Variants in MTHFD1L observed in about 807,000 individuals in gnomAD.
The protein encoded by MTHFD1L is methylenetetrahydrofolate dehydrogenase (NADP+ dependent) 1 like.
MTHFD1L carries 81 observed loss-of-function variants against 119.5 expected under a neutral mutation model. The observed-to-expected ratio is 0.68, with a 90% CI of 0.57 to 0.82. The LOEUF is 0.82. Ranked by LOEUF, MTHFD1L falls within the 40% of genes least tolerant of loss-of-function variation. The pLI, the probability that MTHFD1L is intolerant of heterozygous loss-of-function variation, is 0.00. For synonymous variants in MTHFD1L, 430 were observed against 475.2 expected (o/e 0.90, Z 1.24); for missense variants, 1,125 against 1,253.4 (o/e 0.90, Z 1.55).
intron 19 of MTHFD1L, among the ~76,000 whole-genome samples, chr6:150,969,417 A>G (rs1340695824): frequency 4.0e-5 from 6 of 151,792 alleles, no homozygotes; most frequent in Non-Finnish European, 8.8e-5. Flanking sequence ...AATAGCTTGA[A>G]CCGGGGAGGT....
intron 20 of MTHFD1L, among the ~76,000 whole-genome samples, chr6:150,990,979 C>T (rs1372747075): frequency 1.3e-5 from 2 of 152,118 alleles, no homozygotes; most frequent in Admixed American, 6.5e-5. Flanking sequence ...CCTCAGCCTC[C>T]CTGAGTAGCT....
chr6:151,054,072 C>T (rs913818415), intron 26 of MTHFD1L, among the ~76,000 whole-genome samples: 3 of 151,960 alleles, frequency 2.0e-5, no homozygotes, highest in Admixed American at 1.3e-4. Context: ...GGAAACATTT[C>T]GGCAGGGAGA....
chr6:151,009,914 G>C lies in MTHFD1L; in HGVS notation c.2221G>C (p.Val741Leu). ...SGLVPNVVVLVATVRALKMHG... is the reference protein window; with the variant it reads ...SGLVPNVVVLLATVRALKMHG... ...CTTGGTGCCCAACGTGGTTGTGTTA[G>C]TGGCAACGGTGCGAGCTCTGAAGAT... The change falls in exon 21 of 28, where the codon GTG becomes CTG. Residue 741 changes from valine to leucine, a missense_variant. Physicochemically the swap from Val to Leu is conservative, Grantham distance 32. Coordinates refer to ENST00000367321, the MANE Select transcript of MTHFD1L (RefSeq NM_015440.5). The C allele has an allele frequency of 1.2e-6, 2 of 1,613,674 alleles. No individual in the cohort carries two copies. Among genetic ancestry groups the C allele is most frequent in the South Asian group, 2.2e-5 (2 of 90,970 alleles).
At position 150,867,445 on chromosome 6, in the gene MTHFD1L, CA is replaced by C. The variant is rs761469365; in HGVS notation, c.227+1400del. Reference sequence around the variant, plus strand: ...GGGCGCAAGCCATCATCCCTGCCCCCAAAAGCGCTGGGATTAATTACACGTC... The same window carrying C: ...GGGCGCAAGCCATCATCCCTGCCCCCAAAGCGCTGGGATTAATTACACGTC... On this transcript the variant is annotated intron_variant, in intron 1 of 27. Transcript: ENST00000367321. Among the ~76,000 whole-genome samples the C allele has an allele frequency of 9.7e-4, 147 of 152,322 alleles. 1 individual carries two copies. Among genetic ancestry groups the C allele is most frequent in the Admixed American group, 1.2e-3 (19 of 15,306 alleles).
At chr6:150,916,500 G>GTTTTTTTTTTTTTTTTTT in intron 8 of MTHFD1L, among the ~76,000 whole-genome samples, 1 of 51,020 alleles carries the variant, frequency 2.0e-5, no homozygotes, top group Non-Finnish European at 3.1e-5. Flanking sequence ...TTTTTTTTTT[G>GTTTTTTTTTTTTTTTTTT]GTATTTTTAG....
intron 26 of MTHFD1L, among the ~76,000 whole-genome samples, chr6:151,042,505 A>G (rs1351314070): frequency 2.6e-5 from 4 of 152,252 alleles, no homozygotes; most frequent in African/African-American, 7.2e-5. Flanking sequence ...TTCAAGGATT[A>G]TGGTTTATAG....
At chr6:150,905,626 G>A (rs753248243) in intron 7 of MTHFD1L, 24 bp from the exon 8 acceptor site, 46 of 1,556,682 alleles carry the variant, frequency 3.0e-5, no homozygotes, top group African/African-American at 1.5e-4. Flanking sequence ...CAAGATGTGC[G>A]TGTTTTTTTC....
intron 11 of MTHFD1L, among the ~76,000 whole-genome samples, chr6:150,932,954 C>T (rs1483238430): frequency 6.6e-6 from 1 of 152,008 alleles, no homozygotes; most frequent in Non-Finnish European, 1.5e-5. Flanking sequence ...CGTATATCCC[C>T]GTTGATGATT....
At chr6:150,955,621 T>C (rs1477740585) in intron 16 of MTHFD1L, among the ~76,000 whole-genome samples, 6 of 150,252 alleles carry the variant, frequency 4.0e-5, no homozygotes. Context: ...TGCCTCAGCC[T>C]CCTGAGTAGC....
chr6:150,885,752 A>G lies in MTHFD1L; in HGVS notation c.643+18A>G. On this transcript the variant is annotated intron_variant, in intron 6 of 27. Coordinates refer to ENST00000367321, the MANE Select transcript of MTHFD1L (RefSeq NM_015440.5). Reference sequence around the variant, plus strand: ...AAAATCAGGTAGGATGCTCCTTGAGAAATGCCGCTGATTTCTATTTATTGG... The same window carrying G: ...AAAATCAGGTAGGATGCTCCTTGAGGAATGCCGCTGATTTCTATTTATTGG... 6.4e-7 allele frequency: 1 copy of G among 1,552,782 alleles called. No individual in the cohort carries two copies.
intron 7 of MTHFD1L, among the ~76,000 whole-genome samples, chr6:150,896,563 T>C (rs936734739): frequency 1.3e-5 from 2 of 152,160 alleles, no homozygotes; most frequent in African/African-American, 4.8e-5. Context: ...TCATCAGTAG[T>C]GTGGAATTAA....
chr6:151,074,720 T>TA (rs769834176), intron 26 of MTHFD1L, among the ~76,000 whole-genome samples: 4 of 152,232 alleles, frequency 2.6e-5, no homozygotes, highest in Non-Finnish European at 5.9e-5. Flanking sequence ...TATAAATACT[T>TA]ACCATTCTGT....
At position 151,039,034 on chromosome 6, in the gene MTHFD1L, A is replaced by G. The variant is rs1242581757; in HGVS notation, c.2847+1917A>G. 7.9e-5 allele frequency among the ~76,000 whole-genome samples: 12 copies of G among 152,180 alleles called. No homozygotes were observed. Among genetic ancestry groups the G allele is most frequent in the Admixed American group, 5.2e-4 (8 of 15,282 alleles). On this transcript the variant is annotated intron_variant, in intron 26 of 27. Transcript: ENST00000367321. The surrounding 1 kb of genome is among the most constrained non-coding windows in gnomAD (Gnocchi z 4.4). ...GAAGGTCACCCTGGTGGGTTTAAGG[A>G]TATGGGTGAAGGCAGTCGTTAAACA...
At chr6:150,872,269 A>G (rs1449662058) in intron 1 of MTHFD1L, among the ~76,000 whole-genome samples, 1 of 152,148 alleles carries the variant, frequency 6.6e-6, no homozygotes, top group Non-Finnish European at 1.5e-5. Flanking sequence ...AGCTTGGCTA[A>G]CTGTTTGGCT....
At chr6:151,073,898 A>G (rs1041993994) in intron 26 of MTHFD1L, among the ~76,000 whole-genome samples, 4 of 152,202 alleles carry the variant, frequency 2.6e-5, no homozygotes, top group African/African-American at 9.6e-5. Context: ...GAACTGAAAA[A>G]TATTTGAAGA....
intron 24 of MTHFD1L, among the ~76,000 whole-genome samples, chr6:151,033,414 C>T (rs1214567896): frequency 6.6e-6 from 1 of 152,172 alleles, no homozygotes; most frequent in Non-Finnish European, 1.5e-5. Flanking sequence ...GCCACTGCAC[C>T]TGGCCACATA....
intron 20 of MTHFD1L, among the ~76,000 whole-genome samples, chr6:150,987,253 GT>G (rs1344958801): frequency 6.6e-6 from 1 of 152,064 alleles, no homozygotes; most frequent in Non-Finnish European, 1.5e-5. Context: ...CCCTTTAGAG[GT>G]TTGAGACCCC....
chr6:151,088,878 C>T (rs557542441), intron 26 of MTHFD1L, among the ~76,000 whole-genome samples: 1 of 152,310 alleles, frequency 6.6e-6, no homozygotes, highest in Admixed American at 6.5e-5. Flanking sequence ...CGCCTTTCAT[C>T]AGCAGATAGT....
intron 8 of MTHFD1L, among the ~76,000 whole-genome samples, chr6:150,916,472 TTTTTTTTTTTTTTTTTTTTTTTTTTTTG>T (rs1787919029): frequency 3.0e-5 from 1 of 33,532 alleles, no homozygotes; most frequent in Non-Finnish European, 5.1e-5. Flanking sequence ...AGCTAATTTT[TTTTTTTTTTTTTTTTTTTTTTTTTTTTG>T]GTATTTTTAG....
Sources: gnomAD v4.1 joint callset for allele counts (sites outside exome capture counted in the v4.1 genomes callset) on GRCh38, gnomAD v4.1.1 for gene constraint, Gnocchi (gnomAD v3.1) non-coding constraint, MANE v1.5 for transcripts, NCBI Gene and HGNC (gene_info 2026-07-23, HGNC 2026-07-21) for gene names.